The following SPTBN4 variants were observed in gnomAD, a reference collection of about 807,000 sequenced individuals.
SPTBN4 encodes spectrin beta, non-erythrocytic 4.
SPTBN4 carries 96 observed loss-of-function variants against 277.8 expected under a neutral mutation model. The observed-to-expected ratio is 0.35, with a 90% confidence interval of 0.29 to 0.41. The LOEUF is 0.41. Among genes scored for constraint, SPTBN4 ranks in the 10% least tolerant of loss-of-function variants. The pLI is 1.00. For missense variants in SPTBN4, 3,006 were observed against 3,595.7 expected, an observed-to-expected ratio of 0.84 and a Z score of 4.19; for synonymous variants, 1,481 against 1,580.3, an observed-to-expected ratio of 0.94 and a Z score of 1.49.
chr19:40,531,692 G>C (rs2080676767), intron 18 of SPTBN4, among the ~76,000 whole-genome samples: 1 of 151,512 alleles, frequency 6.6e-6, no homozygotes, highest in Admixed American at 6.6e-5. Context: ...GCCGTGAGAG[G>C]GGCCCACTCT....
At position 40,557,329 on chromosome 19, in the gene SPTBN4, C is replaced by A. The variant is rs769008115; in HGVS notation, c.5596C>A (p.Pro1866Thr). 4 of 1,612,718 alleles carry A rather than the reference C, an allele frequency of 2.5e-6. No individual in the cohort carries two copies. In the Admixed American group the frequency reaches 6.7e-5, roughly 27 times the overall value. Residue 1866 changes from proline to threonine, a missense_variant, in exon 26 of 36, where the codon CCG becomes ACG. By Grantham distance (38) the Pro-to-Thr change is conservative (BLOSUM62 -1). This residue lies in a region of SPTBN4 where 425 missense variants were observed against 594.7 expected (regional missense o/e 0.71). Coordinates refer to ENST00000598249, the MANE Select transcript of SPTBN4 (RefSeq NM_020971.3). The part of the protein sequence containing the change: ...RLPRLTTPPE[P>T]RPSASSMQRT... ...GCCCCGCCTGACCACCCCGCCTGAGCCGAGACCCAGTGCCAGTTCCATGCA... is the reference window on the plus strand; with the variant it reads ...GCCCCGCCTGACCACCCCGCCTGAGACGAGACCCAGTGCCAGTTCCATGCA...
intron 35 of SPTBN4, 75 bp downstream of exon 35, chr19:40,572,455 A>G: frequency 6.4e-7 from 1 of 1,571,130 alleles, no homozygotes; most frequent in Non-Finnish European, 8.8e-7. Context: ...ACCCAGAGTG[A>G]TGGGGCTGTG....
Position 40,554,619 on chromosome 19 carries a change from C to A in SPTBN4, c.5057C>A (p.Ala1686Glu). 1 of 1,577,854 alleles carries A rather than the reference C, an allele frequency of 6.3e-7. No homozygotes were observed. Among genetic ancestry groups the A allele is most frequent in the Non-Finnish European group, 8.6e-7 (1 of 1,161,692 alleles). The change falls in exon 24 of 36, where the codon GCG becomes GAG. Residue 1686 changes from alanine (A) to glutamate (E), a missense_variant. Transcript: ENST00000598249. The surrounding 1 kb of genome is among the most constrained non-coding windows in gnomAD (Gnocchi z 5.7). Reference sequence around the variant, plus strand: ...GCGCAGCTGTCGCGCCAGTGCCGGGCGCTGCTGGAGATGGGGCACCCGGAC... The same window carrying A: ...GCGCAGCTGTCGCGCCAGTGCCGGGAGCTGCTGGAGATGGGGCACCCGGAC... Reference protein sequence around the residue: ...SIAQLSRQCRALLEMGHPDSE... With the variant: ...SIAQLSRQCRELLEMGHPDSE...
chr19:40,547,746 A>C (rs533167699), intron 20 of SPTBN4, among the ~76,000 whole-genome samples: 22 of 152,254 alleles, frequency 1.4e-4, no homozygotes, highest in African/African-American at 5.3e-4. Flanking sequence ...ATGATATCTC[A>C]TTGTGGTTTT....
chr19:40,515,020 G>A lies in SPTBN4; in HGVS notation c.2766-291G>A, dbSNP rs747482353. The stretch of plus-strand genomic sequence containing the variant: ...CATGGGAGGCTGAGACATGAGAATC[G>A]CTTGAATCCGGGAGGCAGAGGTTGC... On this transcript the variant is annotated intron_variant, in intron 14 of 35. Coordinates refer to ENST00000598249, the MANE Select transcript of SPTBN4 (RefSeq NM_020971.3). The surrounding 1 kb of genome is among the most constrained non-coding windows in gnomAD (Gnocchi z 4.1). 1.3e-5 allele frequency among the ~76,000 whole-genome samples: 2 copies of A among 152,132 alleles called. No individual in the cohort carries two copies. Among genetic ancestry groups the A allele is most frequent in the South Asian group, 2.1e-4 (1 of 4,824 alleles).
intron 5 of SPTBN4, 47 bp from the exon 6 acceptor site, chr19:40,494,850 C>T: frequency 6.4e-7 from 1 of 1,573,586 alleles, no homozygotes; most frequent in Non-Finnish European, 8.7e-7. Context: ...TTTCTTCCCT[C>T]CTAACTCTCC....
chr19:40,549,115 A>C, intron 20 of SPTBN4, 74 bp from the exon 21 acceptor site: 1 of 1,292,492 alleles, frequency 7.7e-7, no homozygotes, highest in Non-Finnish European at 1.0e-6. Flanking sequence ...GGCTGTCACC[A>C]TAAGGGTACT....
chr19:40,557,135 C>A lies in SPTBN4; in HGVS notation c.5402C>A (p.Ala1801Glu). The change falls in exon 26 of 36, where the codon GCA becomes GAA. Residue 1801 changes from alanine to glutamate, a missense_variant. By Grantham distance (107) the Ala-to-Glu change is moderately radical. Coordinates refer to ENST00000598249, the MANE Select transcript of SPTBN4 (RefSeq NM_020971.3). ...GAGCTGATCGAGTGTGGCCATACAGCAGCGGCCACCATGGCCGAGTGGAAG... is the reference window on the plus strand; with the variant it reads ...GAGCTGATCGAGTGTGGCCATACAGAAGCGGCCACCATGGCCGAGTGGAAG... Reference protein sequence around the residue: ...VDELIECGHTAAATMAEWKDG... With the variant: ...VDELIECGHTEAATMAEWKDG... 2.5e-6 allele frequency: 4 copies of A among 1,611,126 alleles called. No individual in the cohort carries two copies. Among genetic ancestry groups the A allele is most frequent in the Non-Finnish European group, 3.4e-6 (4 of 1,177,764 alleles).
chr19:40,493,741 CATAA>C (rs1431358392), intron 5 of SPTBN4, among the ~76,000 whole-genome samples: 2 of 152,076 alleles, frequency 1.3e-5, no homozygotes, highest in Non-Finnish European at 2.9e-5. Context: ...ATAACAAACA[CATAA>C]ATAAATAAAC....
chr19:40,544,111 GCTT>G (rs1439693373), intron 20 of SPTBN4, among the ~76,000 whole-genome samples: 19 of 146,818 alleles, frequency 1.3e-4, no homozygotes, highest in East Asian at 3.9e-4. Flanking sequence ...GTTCTAAATT[GCTT>G]CTTCTTCTTC....
chr19:40,496,427 G>A lies in SPTBN4; in HGVS notation c.669-1062G>A, dbSNP rs188970225. ...GGCCTCCCAAGTAGCTGGGATTACA[G>A]GCATGTGCCACCACGCCCGGCTAAT... On this transcript the variant is annotated intron_variant, in intron 6 of 35. Coordinates refer to ENST00000598249, the MANE Select transcript of SPTBN4 (RefSeq NM_020971.3). Among the ~76,000 whole-genome samples the A allele has an allele frequency of 7.1e-3, 1,081 of 152,228 alleles. 11 individuals are homozygous for A. The highest frequency in any genetic ancestry group is 0.011 in the Non-Finnish European group (771 of 68,020).
At chr19:40,541,730 TCA>T (rs540679991) in intron 20 of SPTBN4, among the ~76,000 whole-genome samples, 57 of 152,126 alleles carry the variant, frequency 3.7e-4, no homozygotes, top group South Asian at 1.5e-3. Flanking sequence ...TCCTACTCTC[TCA>T]CTCCCTTCTC....
At chr19:40,547,266 G>T (rs918758996) in intron 20 of SPTBN4, among the ~76,000 whole-genome samples, 1 of 146,860 alleles carries the variant, frequency 6.8e-6, no homozygotes, top group Non-Finnish European at 1.5e-5. Context: ...ACCTATGAGT[G>T]AGAACGTGTG....
At chr19:40,506,180 AG>A in intron 12 of SPTBN4, 55 bp from the exon 13 acceptor site, 2 of 1,549,926 alleles carry the variant, frequency 1.3e-6, no homozygotes, top group Non-Finnish European at 1.7e-6. Context: ...AATGGGGGAG[AG>A]GTGAGTGGCC....
chr19:40,526,960 T>G (rs1453580479), intron 17 of SPTBN4, among the ~76,000 whole-genome samples: 2 of 152,184 alleles, frequency 1.3e-5, no homozygotes, highest in African/African-American at 4.8e-5. Flanking sequence ...CTTGACAGTT[T>G]GGCTGCTGAA....
At chr19:40,534,581 C>T (rs2080714272) in intron 20 of SPTBN4, 3 of 550,198 alleles carry the variant, frequency 5.5e-6, no homozygotes, top group Non-Finnish European at 9.6e-6. Context: ...AGCCACAAAG[C>T]AGTAGGTAAA....
chr19:40,475,651 G>T (rs1027222224), intron 2 of SPTBN4, among the ~76,000 whole-genome samples: 1 of 151,328 alleles, frequency 6.6e-6, no homozygotes, highest in African/African-American at 2.4e-5. Context: ...TAATTGAGGC[G>T]GGGTTTCACC....
chr19:40,507,082 G>C (rs1225383847), intron 13 of SPTBN4, among the ~76,000 whole-genome samples: 1 of 152,134 alleles, frequency 6.6e-6, no homozygotes. Flanking sequence ...AGGTGAAAAG[G>C]AGTGGATTGG....
Position 40,565,014 on chromosome 19 carries a change from C to CA in SPTBN4, c.5916-408dup, listed in dbSNP as rs368590848. 4.1e-3 allele frequency among the ~76,000 whole-genome samples: 618 copies of CA among 151,954 alleles called. 4 individuals carry two copies. The highest frequency in any genetic ancestry group is 0.014 in the African/African-American group (594 of 41,414). On this transcript the variant is annotated intron_variant, in intron 27 of 35. Transcript: ENST00000598249. The stretch of plus-strand genomic sequence containing the variant: ...TTTGGTGACTCAACGCCTGTAATCC[C>CA]AGCACTTTGGGAGACTGAGATGGGA...
Sources: allele counts gnomAD v4.1 joint callset (sites outside exome capture counted in the v4.1 genomes callset), GRCh38; gene constraint gnomAD v4.1.1; regional missense constraint gnomAD v4.1.1; non-coding constraint Gnocchi (gnomAD v3.1); transcripts MANE v1.5; gene names NCBI Gene and HGNC (gene_info 2026-07-23, HGNC 2026-07-21).